The following ARHGAP19 variants were observed in gnomAD, a reference collection of about 807,000 sequenced individuals.
The protein encoded by ARHGAP19 is rho GTPase-activating protein 19.
Under a neutral mutation model 60.9 loss-of-function variants are expected in ARHGAP19, and 48 were observed. The observed-to-expected ratio is 0.79, with a 90% CI of 0.62 to 1.00. ARHGAP19 has a LOEUF of 1.00. ARHGAP19 is among the 50% of genes least tolerant of loss of function. The probability of loss-of-function intolerance (pLI) is 0.00; values close to 1 mark genes in which losing one functional copy is unlikely to be tolerated. For synonymous variants in ARHGAP19, 209 were observed against 215.5 expected, an observed-to-expected ratio of 0.97 and a Z score of 0.27; for missense variants, 562 against 597.2, an observed-to-expected ratio of 0.94 and a Z score of 0.61.
At chr10:97,278,545 G>A in intron 1 of ARHGAP19, among the ~76,000 whole-genome samples, 1 of 152,034 alleles carries the variant, frequency 6.6e-6, no homozygotes, top group East Asian at 1.9e-4. Context: ...TGTGCCAAAT[G>A]AGTATCAATC....
At chr10:97,261,774 G>A (rs1842832031) in intron 4 of ARHGAP19, among the ~76,000 whole-genome samples, 1 of 152,138 alleles carries the variant, frequency 6.6e-6, no homozygotes, top group African/African-American at 2.4e-5. Flanking sequence ...CTCAGGGGCA[G>A]GAAACTAAGC....
In ARHGAP19 at chr10:97,292,599, T is replaced by A; in HGVS notation, c.29A>T (p.Glu10Val). The A allele has an allele frequency of 6.2e-7, 1 of 1,614,088 alleles. No homozygotes were observed. Among genetic ancestry groups the A allele is most frequent in the South Asian group, 1.1e-5 (1 of 91,074 alleles). The change falls in exon 1 of 12, where the codon GAG (glutamate) becomes GTG (valine). Residue 10 changes from glutamate to valine, a missense_variant. By Grantham distance (121) the Glu-to-Val change is moderately radical. Coordinates refer to ENST00000358531, the MANE Select transcript of ARHGAP19 (RefSeq NM_032900.6). ...CCGGCCGGATTCGCGGGCTGGCACC[T>A]CCCCTTCACTCTGTGCCTCAGTCGC... MATEAQSEG[E>V]VPARESGRSD...
intron 7 of ARHGAP19, among the ~76,000 whole-genome samples, chr10:97,244,511 A>AG (rs1179473647): frequency 6.6e-6 from 1 of 152,214 alleles, no homozygotes; most frequent in African/African-American, 2.4e-5. Context: ...CATCTGACAG[A>AG]GGAAAAAAAC....
At chr10:97,279,742 G>A (rs138268170) in intron 1 of ARHGAP19, among the ~76,000 whole-genome samples, 5 of 151,986 alleles carry the variant, frequency 3.3e-5, no homozygotes, top group South Asian at 2.1e-4. Context: ...CTCGCACCTC[G>A]GCCTCCCAAA....
intron 1 of ARHGAP19, among the ~76,000 whole-genome samples, chr10:97,283,055 C>T (rs886584724): frequency 2.6e-4 from 40 of 151,206 alleles, no homozygotes; most frequent in African/African-American, 9.7e-4. Flanking sequence ...ATTGGCCAGG[C>T]TGGTCTTGAA....
intron 8 of ARHGAP19, among the ~76,000 whole-genome samples, chr10:97,240,788 T>C (rs760414445): frequency 2.0e-5 from 3 of 152,236 alleles, no homozygotes; most frequent in Non-Finnish European, 4.4e-5. Flanking sequence ...GGCCCAGATG[T>C]AAGGGCTCAA....
intron 8 of ARHGAP19, among the ~76,000 whole-genome samples, chr10:97,241,392 A>T (rs1293322923): frequency 1.3e-5 from 2 of 150,712 alleles, no homozygotes; most frequent in Non-Finnish European, 3.0e-5. Flanking sequence ...CTCCATCTTT[A>T]AAAAAAAGAA....
chr10:97,227,080 A>G (rs1323760214), intron 11 of ARHGAP19, among the ~76,000 whole-genome samples: 1 of 152,250 alleles, frequency 6.6e-6, no homozygotes, highest in African/African-American at 2.4e-5. Flanking sequence ...AGCTCCTACA[A>G]CAAAGCATTA....
chr10:97,228,977 T>C, intron 11 of ARHGAP19, 170 bp downstream of exon 11: 1 of 714,974 alleles, frequency 1.4e-6, no homozygotes, highest in Non-Finnish European at 2.5e-6. Context: ...GCTGAGTAAA[T>C]GGTTCAATAA....
intron 8 of ARHGAP19, among the ~76,000 whole-genome samples, chr10:97,237,282 A>AAT (rs1842397620): frequency 6.6e-6 from 1 of 150,636 alleles, no homozygotes; most frequent in Non-Finnish European, 1.5e-5. Flanking sequence ...AAAAAAAAAA[A>AAT]CTCAGTCTAC....
chr10:97,232,881 C>CA (rs1180531180), intron 9 of ARHGAP19, among the ~76,000 whole-genome samples: 3 of 152,162 alleles, frequency 2.0e-5, no homozygotes, highest in African/African-American at 7.2e-5. Flanking sequence ...GGCATGGTGG[C>CA]TCACGCCTAT....
Position 97,229,758 on chromosome 10 carries a change from TCTTAC to T in ARHGAP19, c.1395+1_1395+5del. 1 of 1,563,462 alleles carries T rather than the reference TCTTAC, an allele frequency of 6.4e-7. No homozygotes were observed. The highest frequency in any genetic ancestry group is 8.8e-7 in the Non-Finnish European group (1 of 1,136,300). ...CAGACAGACAGTCCAAAGAACAGTG[TCTTAC>T]TAAGTTCCTATTTTCTTTGCTGGTT... is the stretch of plus-strand genomic sequence containing the variant. On this transcript the variant is annotated splice_donor_variant and splice_donor_5th_base_variant and intron_variant, in intron 10 of 11. Coordinates refer to ENST00000358531, the MANE Select transcript of ARHGAP19 (RefSeq NM_032900.6). LOFTEE classifies it high-confidence loss of function.
intron 5 of ARHGAP19, among the ~76,000 whole-genome samples, chr10:97,258,239 T>C (rs977507650): frequency 6.6e-6 from 1 of 151,706 alleles, no homozygotes; most frequent in South Asian, 2.1e-4. Context: ...ACATGAAAGG[T>C]AAAAGGCCAG....
intron 1 of ARHGAP19, among the ~76,000 whole-genome samples, chr10:97,290,851 A>G (rs759608808): frequency 2.2e-4 from 33 of 152,020 alleles, no homozygotes; most frequent in Non-Finnish European, 3.8e-4. Context: ...CACAACCCCT[A>G]CTACGCCCCA....
intron 6 of ARHGAP19, among the ~76,000 whole-genome samples, chr10:97,255,355 G>A (rs1448691024): frequency 6.6e-6 from 1 of 152,140 alleles, no homozygotes; most frequent in African/African-American, 2.4e-5. Flanking sequence ...GTGGCAGAAG[G>A]ATTGAACCCA....
intron 1 of ARHGAP19, among the ~76,000 whole-genome samples, chr10:97,267,288 C>T (rs1325928512): frequency 6.6e-6 from 1 of 152,234 alleles, no homozygotes; most frequent in Non-Finnish European, 1.5e-5. Context: ...GTCTCACATC[C>T]AGGTCACGAT....
intron 9 of ARHGAP19, among the ~76,000 whole-genome samples, chr10:97,233,135 C>T (rs1471573731): frequency 1.3e-5 from 2 of 151,418 alleles, no homozygotes; most frequent in East Asian, 1.9e-4. Context: ...AGGCATAGAG[C>T]GAGACTGTCT....
chr10:97,230,790 G>A (rs191060706), intron 9 of ARHGAP19, among the ~76,000 whole-genome samples: 94 of 152,198 alleles, frequency 6.2e-4, no homozygotes, highest in Non-Finnish European at 1.1e-3. Context: ...TTTAGGCCGG[G>A]AGCGGTGGCT....
In ARHGAP19 at chr10:97,224,439, AG is replaced by A. The variant is rs960885171; in HGVS notation, c.*1682del. 5 of 152,246 alleles carry A rather than the reference AG, an allele frequency of 3.3e-5. No individual in the cohort carries two copies. The highest frequency in any genetic ancestry group is 1.2e-4 in the African/African-American group (5 of 41,466). 9.4% of individuals were successfully genotyped at this position (152,246 alleles called of 1,614,324 possible). On this transcript the variant is annotated 3_prime_UTR_variant, in exon 12 of 12. Transcript: ENST00000358531. ...GCTCTAGAGAAAGGGGCTTCTAAGC[AG>A]TTTTGTTTTCCTAACCATCTATTGT...
Sources: gnomAD v4.1 joint callset for allele counts (sites outside exome capture counted in the v4.1 genomes callset) on GRCh38, gnomAD v4.1.1 for gene constraint, MANE v1.5 for transcripts, NCBI Gene and HGNC (gene_info 2026-07-23, HGNC 2026-07-21) for gene names.